CNOT7: variants seen among roughly 807,000 people sequenced by gnomAD.
The protein encoded by CNOT7 is CCR4-NOT transcription complex subunit 7.
A neutral mutation model predicts 37.1 loss-of-function variants in CNOT7; 4 were observed. The observed-to-expected ratio is 0.11, with a 90% CI of 0.05 to 0.25. The LOEUF (loss-of-function observed/expected upper bound fraction) is 0.25, where lower values mean the gene tolerates loss of function less well. Ranked by LOEUF, CNOT7 falls within the 10% of genes least tolerant of loss-of-function variation. CNOT7 has a pLI of 1.00. For synonymous variants in CNOT7, 128 were observed against 115.6 expected, an observed-to-expected ratio of 1.11 and a Z score of -0.69; for missense variants, 170 against 336.2, an observed-to-expected ratio of 0.51 and a Z score of 3.87.
intron 1 of CNOT7, 109 bp from the exon 2 acceptor site, chr8:17,245,356 T>TTA: frequency 2.7e-6 from 1 of 372,598 alleles, no homozygotes; most frequent in African/African-American, 2.3e-5. Context: ...TCTTGACTCA[T>TTA]AAAAAAAAAA....
At chr8:17,240,649 C>T (rs1340758618) in intron 3 of CNOT7, among the ~76,000 whole-genome samples, 1 of 152,148 alleles carries the variant, frequency 6.6e-6, no homozygotes, top group African/African-American at 2.4e-5. Flanking sequence ...TTCTCACGTA[C>T]TGAGATCACA....
At chr8:17,244,993 C>G in intron 2 of CNOT7, 43 bp downstream of exon 2, 1 of 1,445,358 alleles carries the variant, frequency 6.9e-7, no homozygotes, top group South Asian at 1.2e-5. Flanking sequence ...TTTCCTTTTC[C>G]TCCTTTATAT....
rs568891241 is a variant in CNOT7, at chr8:17,230,867, GAAA to G, written c.730-22_730-20del. The G allele has an allele frequency of 6.5e-6, 9 of 1,391,636 alleles. No individual in the cohort carries two copies. In the East Asian group the frequency reaches 1.6e-4, roughly 24 times the overall value. The allele number at this position is 1,391,636 out of a possible 1,614,324, so 86.2% of individuals were successfully genotyped here. ...AGAACATCTAAAAAGGAATTTTGAA[GAAA>G]AAAAAAAGATAATTTTAACCAAAAG... On this transcript the variant is annotated intron_variant, in intron 6 of 6. Transcript: ENST00000361272.
chr8:17,240,184 A>G (rs1487022245), intron 3 of CNOT7, among the ~76,000 whole-genome samples: 1 of 152,154 alleles, frequency 6.6e-6, no homozygotes, highest in Non-Finnish European at 1.5e-5. Flanking sequence ...TATCTTCCAA[A>G]TGACTTCTTC....
intron 3 of CNOT7, among the ~76,000 whole-genome samples, chr8:17,239,599 C>T (rs1166496394): frequency 6.6e-6 from 1 of 152,208 alleles, no homozygotes; most frequent in Non-Finnish European, 1.5e-5. Flanking sequence ...TCACGCCATT[C>T]TCCCGCCTCA....
At chr8:17,237,107 C>T in intron 4 of CNOT7, 105 bp downstream of exon 4, 4 of 1,132,840 alleles carry the variant, frequency 3.5e-6, no homozygotes, top group South Asian at 1.4e-5. Context: ...TGGCAGTCAA[C>T]TCTTTCCAGA....
At chr8:17,242,037 C>G (rs1044188169) in intron 3 of CNOT7, 2 of 152,178 alleles carry the variant, frequency 1.3e-5, no homozygotes, top group African/African-American at 2.4e-5. Flanking sequence ...GCACAGTGCA[C>G]TCACACAGAT....
At chr8:17,244,826 G>T in intron 2 of CNOT7, 1 of 472,170 alleles carries the variant, frequency 2.1e-6, no homozygotes, top group Non-Finnish European at 3.8e-6. Context: ...ATTCCAGTGC[G>T]TTTTCCCTCA....
Position 17,226,311 on chromosome 8 carries a change from T to C in CNOT7, c.*4409A>G, listed in dbSNP as rs750804597. The C allele has an allele frequency of 6.6e-6, 1 of 151,474 alleles. No homozygotes were observed. Among genetic ancestry groups the C allele is most frequent in the African/African-American group, 2.4e-5 (1 of 41,336 alleles). 9.4% of individuals were successfully genotyped at this position (151,474 alleles called of 1,614,324 possible). A position where few individuals can be genotyped will look rare whatever the true frequency, so the allele number is the denominator to read the frequency against. On this transcript the variant is annotated 3_prime_UTR_variant, in exon 7 of 7. Transcript: ENST00000361272. ...GTTGGTATCCCCTCATTGGAATAAA[T>C]AGAAAATGTTAATCTGTTAATGCTG...
intron 4 of CNOT7, 54 bp from the exon 5 acceptor site, chr8:17,234,914 T>TA (rs35647850): frequency 1.5e-3 from 2,144 of 1,403,638 alleles, no homozygotes; most frequent in Middle Eastern, 2.1e-3. Flanking sequence ...CTATAAAGAT[T>TA]AAAAAAAAAA....
rs1243547432 is a variant in CNOT7 at position 17,227,773 on chromosome 8, A to C, written c.*2947T>G. ...TATAAACACAATGTACCAGCATATA[A>C]TAAAATAGTCCATATTCCAATGTGC... On this transcript the variant is annotated 3_prime_UTR_variant, in exon 7 of 7. Transcript: ENST00000361272. The C allele has an allele frequency of 6.6e-6, 1 of 151,918 alleles. No individual in the cohort carries two copies. Among genetic ancestry groups the C allele is most frequent in the Non-Finnish European group, 1.5e-5 (1 of 67,822 alleles). 9.4% of individuals were successfully genotyped at this position (151,918 alleles called of 1,614,324 possible). A position where few individuals can be genotyped will look rare whatever the true frequency, so the allele number is the denominator to read the frequency against.
intron 5 of CNOT7, among the ~76,000 whole-genome samples, chr8:17,233,818 C>G (rs1412043909): frequency 6.6e-6 from 1 of 152,106 alleles, no homozygotes; most frequent in Non-Finnish European, 1.5e-5. Flanking sequence ...AAACACTGGC[C>G]AAAAGAAAGC....
In CNOT7 at chr8:17,231,559, C is replaced by T. The variant is rs902984173; in HGVS notation, c.730-711G>A. ...GCTTTCTATTATCAATACATTGCTA[C>T]AAAAAGTTTTAAATTCTCAGTCTCA... is the stretch of plus-strand genomic sequence containing the variant. On this transcript the variant is annotated intron_variant, in intron 6 of 6. Transcript: ENST00000361272. The T allele has an allele frequency of 9.1e-6, 9 of 985,070 alleles. No individual in the cohort carries two copies. In the African/African-American group the frequency reaches 1.2e-4, roughly 13 times the overall value. 61.0% of individuals were successfully genotyped at this position (985,070 alleles called of 1,614,324 possible).
chr8:17,240,561 T>C (rs561425926), intron 3 of CNOT7, among the ~76,000 whole-genome samples: 1 of 152,280 alleles, frequency 6.6e-6, no homozygotes, highest in South Asian at 2.1e-4. Context: ...AAGAAAGCAG[T>C]TGTTACTCGA....
At chr8:17,234,978 AAAGAG>A (rs2150979635) in intron 4 of CNOT7, 118 bp from the exon 5 acceptor site, 3 of 765,612 alleles carry the variant, frequency 3.9e-6, no homozygotes, top group Non-Finnish European at 6.2e-6. Context: ...CAAAAACATT[AAAGAG>A]AAGTGCACAC....
chr8:17,225,793 G>C lies in CNOT7; in HGVS notation c.*4927C>G, dbSNP rs1808113573. 2.0e-5 allele frequency: 3 copies of C among 151,758 alleles called. No homozygotes were observed. The South Asian group carries it at 6.2e-4, about 31-fold the overall frequency. The allele number at this position is 151,758 out of a possible 1,614,324, so 9.4% of individuals were successfully genotyped here. A position where few individuals can be genotyped will look rare whatever the true frequency, so the allele number is the denominator to read the frequency against. On this transcript the variant is annotated 3_prime_UTR_variant, in exon 7 of 7. Transcript: ENST00000361272. ...CACCAACATAGCAAATGGCATGTGT[G>C]AACTGGCCTTCACTACAAAGCACCG...
Position 17,227,171 on chromosome 8 carries a change from A to T in CNOT7, c.*3549T>A, listed in dbSNP as rs1470323807. On this transcript the variant is annotated 3_prime_UTR_variant, in exon 7 of 7. Transcript: ENST00000361272. ...GGCTTTAAACAACTTACGTTTTCAC[A>T]AGCCTTAAAATTTGACCAAATAAAC... The T allele has an allele frequency of 6.6e-6, 1 of 151,886 alleles. No homozygotes were observed. The highest frequency in any genetic ancestry group is 1.9e-4 in the East Asian group (1 of 5,202). The allele number at this position is 151,886 out of a possible 1,614,324, so 9.4% of individuals were successfully genotyped here. A position where few individuals can be genotyped will look rare whatever the true frequency, so the allele number is the denominator to read the frequency against.
At chr8:17,234,678 C>G (rs767386376) in intron 5 of CNOT7, 38 bp downstream of exon 5, 1 of 1,609,776 alleles carries the variant, frequency 6.2e-7, no homozygotes, top group South Asian at 1.1e-5. Context: ...TTGGTCTGAA[C>G]AGTGTGCTGC....
Position 17,224,984 on chromosome 8 carries a change from T to C in CNOT7, c.*5736A>G, listed in dbSNP as rs1045260798. On this transcript the variant is annotated 3_prime_UTR_variant, in exon 7 of 7. Transcript: ENST00000361272. ...ACACATATAGCTCAAGAACAAGTTTTTATTATGCATGGGTTTCGCAGTGAT... is the reference window on the plus strand; with the variant it reads ...ACACATATAGCTCAAGAACAAGTTTCTATTATGCATGGGTTTCGCAGTGAT... 5 of 151,736 alleles carry C rather than the reference T, an allele frequency of 3.3e-5. No homozygotes were observed. The highest frequency in any genetic ancestry group is 1.2e-4 in the African/African-American group (5 of 41,410). 9.4% of individuals were successfully genotyped at this position (151,736 alleles called of 1,614,324 possible).
Sources: gnomAD v4.1 joint callset for allele counts (sites outside exome capture counted in the v4.1 genomes callset) on GRCh38, gnomAD v4.1.1 for gene constraint, MANE v1.5 for transcripts, NCBI Gene and HGNC (gene_info 2026-07-23, HGNC 2026-07-21) for gene names.